CLSTN2: variants seen among roughly 807,000 people sequenced by gnomAD.
CLSTN2 encodes the protein calsyntenin-2.
A neutral mutation model predicts 101.2 loss-of-function variants in CLSTN2; 48 were observed. The ratio of observed to expected loss-of-function variants is 0.47; its 90% CI spans 0.38 to 0.60. CLSTN2 has a LOEUF of 0.60. CLSTN2 is among the 20% of genes least tolerant of loss of function. The pLI is 0.00. For synonymous variants in CLSTN2, 481 were observed against 463.6 expected, an observed-to-expected ratio of 1.04 and a Z score of -0.48; for missense variants, 1,160 against 1,238.2, an observed-to-expected ratio of 0.94 and a Z score of 0.95.
At chr3:140,065,580 T>TG in intron 1 of CLSTN2, among the ~76,000 whole-genome samples, 1 of 152,286 alleles carries the variant, frequency 6.6e-6, no homozygotes, top group East Asian at 1.9e-4. Context: ...CCAGGAGCAC[T>TG]GGGGGCAGAG....
At chr3:140,451,871 A>G (rs559423151) in intron 6 of CLSTN2, among the ~76,000 whole-genome samples, 1 of 152,236 alleles carries the variant, frequency 6.6e-6, no homozygotes, top group East Asian at 1.9e-4. Flanking sequence ...TTTTCATCCT[A>G]CAAATCTTTA....
intron 2 of CLSTN2, among the ~76,000 whole-genome samples, chr3:140,263,317 A>C (rs2107884475): frequency 6.6e-6 from 1 of 152,210 alleles, no homozygotes; most frequent in South Asian, 2.1e-4. Context: ...GGGTGATAAG[A>C]GATGAGGTGG....
chr3:140,448,821 G>A, intron 6 of CLSTN2, 117 bp downstream of exon 6: 1 of 885,250 alleles, frequency 1.1e-6, no homozygotes, highest in Non-Finnish European at 1.7e-6. Flanking sequence ...ACTGATATGT[G>A]TAACTCCTGG....
intron 8 of CLSTN2, among the ~76,000 whole-genome samples, chr3:140,492,263 A>G (rs917078070): frequency 6.6e-6 from 1 of 152,214 alleles, no homozygotes; most frequent in African/African-American, 2.4e-5. Context: ...TTAGAAAACT[A>G]TTTGGCAATA....
intron 2 of CLSTN2, among the ~76,000 whole-genome samples, chr3:140,201,802 A>T (rs1431651988): frequency 6.6e-6 from 1 of 151,822 alleles, no homozygotes; most frequent in African/African-American, 2.4e-5. Flanking sequence ...ACGCACACAC[A>T]CATGTATATG....
At chr3:140,553,968 G>A (rs1363689143) in intron 10 of CLSTN2, among the ~76,000 whole-genome samples, 2 of 151,368 alleles carry the variant, frequency 1.3e-5, no homozygotes, top group Non-Finnish European at 2.9e-5. Flanking sequence ...TGAGTAAAAT[G>A]TAGGCTCGAG....
chr3:140,193,735 T>C (rs1292547981), intron 2 of CLSTN2, among the ~76,000 whole-genome samples: 1 of 152,158 alleles, frequency 6.6e-6, no homozygotes, highest in Non-Finnish European at 1.5e-5. Context: ...TTTTTAGCAC[T>C]GCTTTCTTTT....
chr3:140,535,002 T>G (rs1935331816), intron 9 of CLSTN2, among the ~76,000 whole-genome samples: 1 of 152,212 alleles, frequency 6.6e-6, no homozygotes, highest in South Asian at 2.1e-4. Flanking sequence ...CAGGGTGAGA[T>G]GCACAGAGGC....
chr3:140,566,953 C>T lies in CLSTN2; in HGVS notation c.*700C>T, dbSNP rs961878711. The T allele has an allele frequency of 6.6e-6, 1 of 152,480 alleles. No individual in the cohort carries two copies. The highest frequency in any genetic ancestry group is 1.5e-5 in the Non-Finnish European group (1 of 68,290). 9.4% of individuals were successfully genotyped at this position (152,480 alleles called of 1,614,324 possible). ...AGCAGGGTCTGATCCCCCATCAGAG[C>T]TATCTGAGCCTGCCTGTCTGGGCAC... On this transcript the variant is annotated 3_prime_UTR_variant, in exon 17 of 17. Coordinates refer to ENST00000458420, the MANE Select transcript of CLSTN2 (RefSeq NM_022131.3).
In CLSTN2 at chr3:140,572,253, C is replaced by A. The variant is rs1985579701; in HGVS notation, c.*6000C>A. The A allele has an allele frequency of 6.6e-6, 1 of 152,226 alleles. No individual in the cohort carries two copies. The highest frequency in any genetic ancestry group is 2.1e-4 in the South Asian group (1 of 4,832). The allele number at this position is 152,226 out of a possible 1,614,324, so 9.4% of individuals were successfully genotyped here. Reference sequence around the variant, plus strand: ...CATCACTGAGGCAGACTGAGGAGCTCTCCAGGGAAGTAGGCAATATTTCCC... The same window carrying A: ...CATCACTGAGGCAGACTGAGGAGCTATCCAGGGAAGTAGGCAATATTTCCC... On this transcript the variant is annotated 3_prime_UTR_variant, in exon 17 of 17. Transcript: ENST00000458420.
At chr3:140,425,662 G>A (rs2088558893) in intron 5 of CLSTN2, among the ~76,000 whole-genome samples, 3 of 152,294 alleles carry the variant, frequency 2.0e-5, no homozygotes, top group South Asian at 2.1e-4. Context: ...GGGCAGGGTG[G>A]GGCTTATCAA....
chr3:140,136,901 C>T (rs114894643), intron 1 of CLSTN2, among the ~76,000 whole-genome samples: 2 of 152,150 alleles, frequency 1.3e-5, no homozygotes, highest in African/African-American at 2.4e-5. Context: ...GCAGAGAATA[C>T]AGCAGGTCAC....
chr3:140,167,112 C>G (rs552762289), intron 1 of CLSTN2, among the ~76,000 whole-genome samples: 1 of 152,280 alleles, frequency 6.6e-6, no homozygotes, highest in Admixed American at 6.5e-5. Context: ...TCCAGCATCC[C>G]ATGAAGCCAA....
Position 140,095,163 on chromosome 3 carries a change from A to G in CLSTN2, c.110-80788A>G, listed in dbSNP as rs115176798. 1.5e-3 allele frequency among the ~76,000 whole-genome samples: 223 copies of G among 152,292 alleles called. 1 individual carries two copies. The highest frequency in any genetic ancestry group is 4.9e-3 in the African/African-American group (203 of 41,554). ...AGTTCTGTCTCTCCCTCAACACCGT[A>G]CCAGAGCTGCTCATATATTAAGGAT... On this transcript the variant is annotated intron_variant, in intron 1 of 16. Coordinates refer to ENST00000458420, the MANE Select transcript of CLSTN2 (RefSeq NM_022131.3).
At chr3:140,415,497 A>C (rs962537685) in intron 4 of CLSTN2, among the ~76,000 whole-genome samples, 13 of 151,034 alleles carry the variant, frequency 8.6e-5, no homozygotes, top group South Asian at 2.1e-4. Flanking sequence ...AAAAAAAAAA[A>C]AAAAAAAAAA....
At position 140,511,255 on chromosome 3, in the gene CLSTN2, A is replaced by C. The variant is rs565110302; in HGVS notation, c.1345-21069A>C. On this transcript the variant is annotated intron_variant, in intron 8 of 16. Transcript: ENST00000458420. ...GGTGTATACGTAGCACATTTTCTTT[A>C]TCCAGTCTATCATTGATGGGCATTT... is the stretch of plus-strand genomic sequence containing the variant. Among the ~76,000 whole-genome samples the C allele has an allele frequency of 2.0e-5, 3 of 152,186 alleles. No individual in the cohort carries two copies. In the East Asian group the frequency reaches 5.8e-4, roughly 29 times the overall value.
chr3:140,453,197 G>C (rs907928423), intron 6 of CLSTN2: 1 of 152,220 alleles, frequency 6.6e-6, no homozygotes, highest in African/African-American at 2.4e-5. Context: ...GGACCACAGG[G>C]CTCCTGGCTG....
chr3:140,001,933 T>G (rs765990381), intron 1 of CLSTN2, among the ~76,000 whole-genome samples: 70 of 152,356 alleles, frequency 4.6e-4, no homozygotes, highest in Non-Finnish European at 7.6e-4. Flanking sequence ...TCCATCCATT[T>G]TGTTGCAAAT....
chr3:140,323,379 A>G (rs1398303098), intron 2 of CLSTN2, among the ~76,000 whole-genome samples: 3 of 152,242 alleles, frequency 2.0e-5, no homozygotes, highest in African/African-American at 7.2e-5. Flanking sequence ...GGAAGATAAA[A>G]TAAGTTAGTA....
Sources: gnomAD v4.1 joint callset for allele counts (sites outside exome capture counted in the v4.1 genomes callset) on GRCh38, gnomAD v4.1.1 for gene constraint, MANE v1.5 for transcripts, NCBI Gene and HGNC (gene_info 2026-07-23, HGNC 2026-07-21) for gene names.